Variants in MYO9A observed in about 807,000 individuals in gnomAD.
MYO9A encodes the protein myosin IXA.
A neutral mutation model predicts 293.3 loss-of-function variants in MYO9A; 103 were observed. The observed-to-expected ratio is 0.35, with a 90% CI of 0.30 to 0.41. The LOEUF is 0.41. MYO9A is among the 10% of genes least tolerant of loss of function. MYO9A has a pLI of 1.00. For synonymous variants in MYO9A, 1,001 were observed against 1,035.7 expected (o/e 0.97, Z 0.64); for missense variants, 2,685 against 3,033.0 (o/e 0.89, Z 2.69).
chr15:71,873,545 C>A (rs1339498004), intron 32 of MYO9A, among the ~76,000 whole-genome samples: 1 of 151,992 alleles, frequency 6.6e-6, no homozygotes, highest in Non-Finnish European at 1.5e-5. Flanking sequence ...GAAGATTATG[C>A]AAATTACACT....
intron 8 of MYO9A, among the ~76,000 whole-genome samples, chr15:72,004,026 C>G (rs918711694): frequency 1.3e-5 from 2 of 152,256 alleles, no homozygotes; most frequent in East Asian, 3.9e-4. Context: ...CATAGATCTA[C>G]GCATACCCAC....
chr15:72,052,297 A>AAC (rs1410942788), intron 1 of MYO9A, among the ~76,000 whole-genome samples: 1 of 151,994 alleles, frequency 6.6e-6, no homozygotes, highest in Admixed American at 6.6e-5. Flanking sequence ...AGGACACCCG[A>AAC]ACACTCATCA....
rs2055638795 is a variant in MYO9A, at chr15:71,851,341, C to G, written c.6493G>C (p.Glu2165Gln). 6.2e-7 allele frequency: 1 copy of G among 1,613,454 alleles called. No homozygotes were observed. Among genetic ancestry groups the G allele is most frequent in the East Asian group, 2.2e-5 (1 of 44,862 alleles). Residue 2165 changes from glutamate (E) to glutamine (Q), a missense_variant, in exon 37 of 42, where the codon GAG (glutamate) becomes CAG (glutamine). Physicochemically the swap from Glu to Gln is conservative, Grantham distance 29. Transcript: ENST00000356056. ...ACAGAGTATACACCACGGATTGTCT[C>G]CTTCCTCTCCTGAAGGCCTAAAAAC... ...LRAMGLQERK[E>Q]TIRGVYSVID...
intron 23 of MYO9A, among the ~76,000 whole-genome samples, chr15:71,900,747 A>G (rs1194392079): frequency 6.6e-6 from 1 of 152,222 alleles, no homozygotes; most frequent in East Asian, 1.9e-4. Flanking sequence ...GCACAAATGG[A>G]AAAGATCTTA....
intron 11 of MYO9A, among the ~76,000 whole-genome samples, chr15:71,980,510 T>C (rs1417155017): frequency 1.3e-5 from 2 of 152,186 alleles, no homozygotes; most frequent in Non-Finnish European, 2.9e-5. Flanking sequence ...CTCATTTGGA[T>C]TTCCCCTTGT....
chr15:71,911,596 T>C (rs2144502585), intron 19 of MYO9A, among the ~76,000 whole-genome samples: 1 of 152,340 alleles, frequency 6.6e-6, no homozygotes, highest in African/African-American at 2.4e-5. Flanking sequence ...AGCAACAGCA[T>C]GTGTATGACT....
At chr15:71,940,424 C>T (rs888960419) in intron 15 of MYO9A, among the ~76,000 whole-genome samples, 1 of 151,716 alleles carries the variant, frequency 6.6e-6, no homozygotes, top group East Asian at 1.9e-4. Flanking sequence ...CCCCAGAGGT[C>T]GAGGCTGCAG....
At chr15:72,065,947 C>A (rs1317661278) in intron 1 of MYO9A, among the ~76,000 whole-genome samples, 1 of 152,202 alleles carries the variant, frequency 6.6e-6, no homozygotes, top group Non-Finnish European at 1.5e-5. Context: ...GGCTACACCA[C>A]AACTTAGTTT....
chr15:72,064,598 T>C (rs149566787), intron 1 of MYO9A, among the ~76,000 whole-genome samples: 107 of 152,360 alleles, frequency 7.0e-4, no homozygotes, highest in Non-Finnish European at 1.4e-3. Context: ...TCAAAACTCA[T>C]ACTGAACATT....
intron 1 of MYO9A, among the ~76,000 whole-genome samples, chr15:72,097,992 C>T (rs1423944494): frequency 6.6e-6 from 1 of 151,958 alleles, no homozygotes; most frequent in African/African-American, 2.4e-5. Context: ...AAGATCATTT[C>T]CTCTGAAAAC....
chr15:71,962,843 T>C (rs1339851493), intron 13 of MYO9A, among the ~76,000 whole-genome samples: 1 of 152,184 alleles, frequency 6.6e-6, no homozygotes, highest in South Asian at 2.1e-4. Flanking sequence ...GACTGTCAAG[T>C]GTTGAGAGTG....
rs1567340256 is a variant in MYO9A at position 71,978,208 on chromosome 15, G to T, written c.1807C>A (p.Pro603Thr). Reference sequence around the variant, plus strand: ...TCCAAAAGATGAAGCAGTCCTGTTGGTTTTTTGCTAATAAGATTTATGCAG... The same window carrying T: ...TCCAAAAGATGAAGCAGTCCTGTTGTTTTTTTGCTAATAAGATTTATGCAG... Reference protein sequence around the residue: ...TCCINLISKKPTGLLHLLDEE... With the variant: ...TCCINLISKKTTGLLHLLDEE... The change falls in exon 12 of 42, where the codon CCA becomes ACA. Residue 603 changes from proline to threonine, a missense_variant. This residue lies in a region of MYO9A where 201 missense variants were observed against 245.2 expected (regional missense o/e 0.82). Coordinates refer to ENST00000356056, the MANE Select transcript of MYO9A (RefSeq NM_006901.4). 6.2e-7 allele frequency: 1 copy of T among 1,613,028 alleles called. No homozygotes were observed. The highest frequency in any genetic ancestry group is 8.5e-7 in the Non-Finnish European group (1 of 1,179,596).
At chr15:72,048,852 G>T (rs1373759381) in intron 1 of MYO9A, among the ~76,000 whole-genome samples, 1 of 152,194 alleles carries the variant, frequency 6.6e-6, no homozygotes, top group Non-Finnish European at 1.5e-5. Flanking sequence ...ACACCATGCT[G>T]TTGGCTTTTA....
At chr15:72,088,165 A>AT (rs971582428) in intron 1 of MYO9A, among the ~76,000 whole-genome samples, 1 of 152,192 alleles carries the variant, frequency 6.6e-6, no homozygotes, top group East Asian at 1.9e-4. Context: ...AGGAAAATAA[A>AT]TTTTTGTTTT....
At chr15:71,938,342 T>G (rs1326974173) in intron 16 of MYO9A, among the ~76,000 whole-genome samples, 1 of 20,098 alleles carries the variant, frequency 5.0e-5, no homozygotes, top group Non-Finnish European at 2.6e-4. Context: ...ATAGTATATA[T>G]AAAAAACAAA....
At chr15:71,859,695 C>G (rs748307912) in intron 34 of MYO9A, 40 bp downstream of exon 34, 5 of 1,517,774 alleles carry the variant, frequency 3.3e-6, no homozygotes, top group African/African-American at 2.7e-5. Context: ...AAAAGACCAA[C>G]AGGTCTGTTA....
intron 2 of MYO9A, among the ~76,000 whole-genome samples, chr15:72,044,395 A>G (rs1262392381): frequency 1.3e-5 from 2 of 151,722 alleles, no homozygotes; most frequent in Admixed American, 6.6e-5. Flanking sequence ...AGAAGAGCAA[A>G]ATTGTCTCAA....
At position 71,898,675 on chromosome 15, in the gene MYO9A, T is replaced by C; in HGVS notation, c.3828A>G (p.Arg1276=). 6.2e-7 allele frequency: 1 copy of C among 1,613,870 alleles called. No individual in the cohort carries two copies. Among genetic ancestry groups the C allele is most frequent in the Non-Finnish European group, 8.5e-7 (1 of 1,179,984 alleles). Residue 1276 remains arginine (R), a synonymous_variant, in exon 25 of 42, where the codon AGA becomes AGG. Coordinates refer to ENST00000356056, the MANE Select transcript of MYO9A (RefSeq NM_006901.4). ...KVGRAKRESR[R]MRELEQAIFS... ...ATATAGCTTGCTCTAGTTCTCTCAT[T>C]CTCCTACTTTCTCTCTTAGCCCGGC...
At chr15:72,086,515 G>T (rs931211104) in intron 1 of MYO9A, among the ~76,000 whole-genome samples, 6 of 152,202 alleles carry the variant, frequency 3.9e-5, no homozygotes, top group African/African-American at 1.4e-4. Flanking sequence ...ACAACCAGGG[G>T]AAGGGAGGCA....
Sources: allele counts gnomAD v4.1 joint callset (sites outside exome capture counted in the v4.1 genomes callset), GRCh38; gene constraint gnomAD v4.1.1; regional missense constraint gnomAD v4.1.1; transcripts MANE v1.5; gene names NCBI Gene and HGNC (gene_info 2026-07-23, HGNC 2026-07-21).